The following ZNF177 variants were observed in gnomAD, a reference collection of about 807,000 sequenced individuals.
ZNF177 encodes the protein zinc finger protein 177.
A neutral mutation model predicts 19.4 loss-of-function variants in ZNF177; 17 were observed. The observed-to-expected ratio is 0.87, with a 90% CI of 0.60 to 1.31. ZNF177 has a LOEUF of 1.31. ZNF177 is among the 40% of genes most tolerant of loss of function. ZNF177 has a pLI of 0.00. For missense variants in ZNF177, 633 were observed against 561.8 expected (o/e 1.13, Z -1.28); for synonymous variants, 220 against 188.7 (o/e 1.17, Z -1.36).
chr19:9,376,288 A>G (rs1368974516), upstream of ZNF177: 3 of 152,114 alleles, frequency 2.0e-5, no homozygotes, highest in Non-Finnish European at 2.9e-5. Context: ...ACCACACCCA[A>G]ATAATTTTTT....
chr19:9,365,487 C>T (rs561606645), intron 2 of ZNF177, among the ~76,000 whole-genome samples: 1 of 151,684 alleles, frequency 6.6e-6, no homozygotes, highest in Non-Finnish European at 1.5e-5. Context: ...TTCTTGACCC[C>T]CAGAAAAGCG....
chr19:9,378,423 C>CTT lies in ZNF177; in HGVS notation c.33+80_33+81dup. Reference sequence around the variant, plus strand: ...CACATCTCTTGCCCCTGACCTGAAGCTTCACAGCCCAATCTGAGCTGGCTT... The same window carrying CTT: ...CACATCTCTTGCCCCTGACCTGAAGCTTTTCACAGCCCAATCTGAGCTGGCTT... On this transcript the variant is annotated intron_variant, in intron 2 of 5. Coordinates refer to ENST00000589262, the Ensembl canonical transcript of ZNF177. 3.8e-6 allele frequency: 6 copies of CTT among 1,586,434 alleles called. No homozygotes were observed. In the Admixed American group the frequency reaches 1.1e-4, roughly 28 times the overall value.
upstream of ZNF177, among the ~76,000 whole-genome samples, chr19:9,374,683 C>T (rs1434711167): frequency 7.5e-6 from 1 of 133,132 alleles, no homozygotes; most frequent in African/African-American, 3.0e-5. Context: ...GTTAGAAATA[C>T]ATTTAATTTT....
At chr19:9,380,079 A>G (rs2068170483) in exon 5 of ZNF177, 4 of 1,612,106 alleles carry the variant, frequency 2.5e-6, no homozygotes, top group Non-Finnish European at 1.7e-6. Flanking sequence ...AACTTAAACC[A>G]AAAGATACAA....
chr19:9,381,450 T>C, exon 6 of ZNF177: 1 of 1,611,606 alleles, frequency 6.2e-7, no homozygotes, highest in South Asian at 1.1e-5. Flanking sequence ...GCAGTGACTG[T>C]GGAAAAGCCT....
chr19:9,371,444 C>T (rs118118446), upstream of ZNF177, among the ~76,000 whole-genome samples: 2 of 152,184 alleles, frequency 1.3e-5, no homozygotes, highest in African/African-American at 4.8e-5. Flanking sequence ...ATTGCTTAAC[C>T]TGGTTATCTT....
At position 9,378,275 on chromosome 19, in the gene ZNF177, C is replaced by G. The variant is rs780833752; in HGVS notation, c.-37C>G. On this transcript the variant is annotated 5_prime_UTR_variant, in exon 2 of 6. Transcript: ENST00000589262. ...CTCCTCTAGCTCTGCCTGCTTAGGA[C>G]TCTGCCCAGCCAGGAAGGAAACCTA... 11 of 1,612,852 alleles carry G rather than the reference C, an allele frequency of 6.8e-6. No individual in the cohort carries two copies. The South Asian group carries it at 1.1e-4, about 16-fold the overall frequency.
chr19:9,371,967 T>C (rs149013950), upstream of ZNF177, among the ~76,000 whole-genome samples: 859 of 152,336 alleles, frequency 5.6e-3, 5 homozygotes, highest in Admixed American at 0.01. Context: ...TTAAAATATA[T>C]CTAAAAGGGT....
At chr19:9,379,217 A>AG in intron 3 of ZNF177, 129 bp downstream of exon 5, 1 of 1,399,364 alleles carries the variant, frequency 7.1e-7, no homozygotes, top group South Asian at 1.6e-5. Context: ...CCTGCCCTTG[A>AG]GGGGGCAGTC....
chr19:9,365,542 C>T (rs1007842416), intron 2 of ZNF177, among the ~76,000 whole-genome samples: 1 of 151,462 alleles, frequency 6.6e-6, no homozygotes, highest in Non-Finnish European at 1.5e-5. Context: ...GGGGTTCTTG[C>T]CCCCAGAAAA....
At chr19:9,373,706 T>C (rs952213844), upstream of ZNF177, among the ~76,000 whole-genome samples, 2 of 152,196 alleles carry the variant, frequency 1.3e-5, no homozygotes, top group Admixed American at 1.3e-4. Flanking sequence ...TGTTGGGCAC[T>C]TTTTCATATA....
chr19:9,380,109 T>A (rs1469038122), exon 5 of ZNF177: 2 of 1,611,514 alleles, frequency 1.2e-6, no homozygotes, highest in African/African-American at 2.7e-5. Flanking sequence ...AGAACATTCC[T>A]GGGGGAAAAA....
At chr19:9,367,639 G>A (rs1452324504) in intron 2 of ZNF177, among the ~76,000 whole-genome samples, 1 of 152,090 alleles carries the variant, frequency 6.6e-6, no homozygotes, top group Non-Finnish European at 1.5e-5. Context: ...TTTACTTAAA[G>A]TGGCCTTGTC....
chr19:9,378,572 G>C, intron 2 of ZNF177: 1 of 679,152 alleles, frequency 1.5e-6, no homozygotes, highest in Non-Finnish European at 2.4e-6. Flanking sequence ...ATTCCATACT[G>C]TAGTGAGTGC....
chr19:9,376,042 A>G (rs1241843259), upstream of ZNF177, among the ~76,000 whole-genome samples: 1 of 152,156 alleles, frequency 6.6e-6, no homozygotes, highest in Non-Finnish European at 1.5e-5. Context: ...ATGCATTCTT[A>G]AAGCTATAGT....
intron 5 of ZNF177, 50 bp downstream of exon 7, chr19:9,380,189 A>C: frequency 6.4e-7 from 1 of 1,554,950 alleles, no homozygotes; most frequent in Non-Finnish European, 8.6e-7. Flanking sequence ...AAGTCTGGGA[A>C]TCTGAATGAG....
exon 2 of ZNF177, chr19:9,378,299 T>C: frequency 6.2e-7 from 1 of 1,613,592 alleles, no homozygotes; most frequent in East Asian, 2.2e-5. Flanking sequence ...GAAGGAAACC[T>C]ACAGGAGGAA....
chr19:9,381,494 G>A (rs753077062), exon 6 of ZNF177: 23 of 1,611,746 alleles, frequency 1.4e-5, no homozygotes, highest in South Asian at 6.6e-5. Context: ...AAACACACAC[G>A]CTCTCACACT....
chr19:9,373,962 C>CT (rs1402134048), upstream of ZNF177, among the ~76,000 whole-genome samples: 2 of 151,694 alleles, frequency 1.3e-5, no homozygotes, highest in Admixed American at 1.3e-4. Context: ...CTTTTGGTGT[C>CT]AACTCTTTAA....
Sources: allele counts gnomAD v4.1 joint callset (sites outside exome capture counted in the v4.1 genomes callset), GRCh38; gene constraint gnomAD v4.1.1; transcripts MANE v1.5; gene names NCBI Gene and HGNC (gene_info 2026-07-23, HGNC 2026-07-21).